The following PTK2B variants were observed in gnomAD, a reference collection of about 807,000 sequenced individuals.
PTK2B encodes protein tyrosine kinase 2 beta, also known as protein-tyrosine kinase 2-beta.
PTK2B carries 71 observed loss-of-function variants against 142.9 expected under a neutral mutation model. That is an observed-to-expected ratio of 0.50 (90% CI 0.41 to 0.61). The LOEUF (loss-of-function observed/expected upper bound fraction) is 0.61, where lower values mean the gene tolerates loss of function less well. Ranked by LOEUF, PTK2B falls within the 20% of genes least tolerant of loss-of-function variation. PTK2B has a pLI of 0.00. For synonymous variants in PTK2B, 519 were observed against 503.4 expected, an observed-to-expected ratio of 1.03 and a Z score of -0.42; for missense variants, 1,105 against 1,320.4, an observed-to-expected ratio of 0.84 and a Z score of 2.53.
chr8:27,332,428 C>T (rs1047532858), intron 1 of PTK2B, among the ~76,000 whole-genome samples: 5 of 152,130 alleles, frequency 3.3e-5, no homozygotes, highest in East Asian at 3.8e-4. Flanking sequence ...GTTTGACTCT[C>T]GACTCTGTCA....
rs564691888 is a variant in PTK2B, at chr8:27,336,480, G to A, written c.-38+10799G>A. On this transcript the variant is annotated intron_variant, in intron 1 of 30. Coordinates refer to ENST00000346049, the MANE Select transcript of PTK2B (RefSeq NM_173176.3). ...CTGACACACAGCTGGCATTGAGTAC[G>A]TACAATGTGTGCCTGATATAAGGCA... 1.3e-4 allele frequency among the ~76,000 whole-genome samples: 20 copies of A among 152,246 alleles called. No individual in the cohort carries two copies. The South Asian group carries it at 2.7e-3, about 21-fold the overall frequency.
chr8:27,314,263 A>G (rs1477617466), intron 3 of PTK2B, among the ~76,000 whole-genome samples: 3 of 152,208 alleles, frequency 2.0e-5, no homozygotes, highest in Non-Finnish European at 4.4e-5. Context: ...GAAGGCTCCC[A>G]TGTCACATAA....
intron 1 of PTK2B, among the ~76,000 whole-genome samples, chr8:27,377,290 G>A (rs1418493468): frequency 6.6e-6 from 1 of 152,206 alleles, no homozygotes; most frequent in African/African-American, 2.4e-5. Context: ...CCAACACTCA[G>A]TGTTGGGTAT....
intron 9 of PTK2B, 99 bp from the exon 10 acceptor site, chr8:27,432,161 T>A: frequency 1.0e-6 from 1 of 987,150 alleles, no homozygotes; most frequent in Non-Finnish European, 1.5e-6. Context: ...CCAGAGAAAC[T>A]CCCAGTTCCT....
intron 1 of PTK2B, among the ~76,000 whole-genome samples, chr8:27,391,308 G>C (rs772676586): frequency 9.2e-5 from 14 of 152,012 alleles, no homozygotes; most frequent in Non-Finnish European, 5.9e-5. Flanking sequence ...TGTTGATCAG[G>C]CTGATCTCAA....
intron 5 of PTK2B, among the ~76,000 whole-genome samples, chr8:27,427,484 G>A (rs1178550536): frequency 6.6e-6 from 1 of 152,276 alleles, no homozygotes; most frequent in East Asian, 1.9e-4. Flanking sequence ...TTGAATAAAT[G>A]GATAACTGAA....
intron 1 of PTK2B, among the ~76,000 whole-genome samples, chr8:27,354,497 A>T (rs1178882877): frequency 1.3e-5 from 2 of 152,154 alleles, no homozygotes; most frequent in African/African-American, 4.8e-5. Flanking sequence ...GACAGATGAA[A>T]CAATTGAGGT....
chr8:27,351,695 T>TAA, intron 1 of PTK2B, among the ~76,000 whole-genome samples: 1 of 152,376 alleles, frequency 6.6e-6, no homozygotes, highest in South Asian at 2.1e-4. Flanking sequence ...ATCTCCAGGA[T>TAA]AATTTCATCA....
intron 1 of PTK2B, among the ~76,000 whole-genome samples, chr8:27,332,600 G>A (rs1250122425): frequency 4.6e-5 from 7 of 150,818 alleles, no homozygotes; most frequent in Admixed American, 1.3e-4. Context: ...ATCTCATTTC[G>A]AGACAGAATC....
chr8:27,329,403 T>G (rs375066710), intron 1 of PTK2B, among the ~76,000 whole-genome samples: 1 of 152,118 alleles, frequency 6.6e-6, no homozygotes, highest in African/African-American at 2.4e-5. Context: ...AGTAGCTCCA[T>G]GTACCCCAAA....
chr8:27,311,155 G>T, upstream of PTK2B: 1 of 1,607,250 alleles, frequency 6.2e-7, no homozygotes. Flanking sequence ...CGTCGCGGAA[G>T]GGGTCGTAGC....
At chr8:27,450,645 G>T in intron 24 of PTK2B, 104 bp from the exon 25 acceptor site, 1 of 1,432,918 alleles carries the variant, frequency 7.0e-7, no homozygotes, top group South Asian at 1.3e-5. Context: ...AGCTGGCCAG[G>T]CCAAGGCTTG....
intron 29 of PTK2B, 26 bp from the exon 30 acceptor site, chr8:27,454,505 G>C: frequency 6.2e-7 from 1 of 1,609,226 alleles, no homozygotes; most frequent in East Asian, 2.2e-5. Flanking sequence ...AGGAGTGGCG[G>C]CCATCCTGCC....
rs1275110427 is a variant in PTK2B, at chr8:27,345,223, C to T, written c.-38+19542C>T. ...TCCCATTCCACTACTTCTTTGGCTTCCTCCTTGCTTTTATTTCTCCCTCTT... is the reference window on the plus strand; with the variant it reads ...TCCCATTCCACTACTTCTTTGGCTTTCTCCTTGCTTTTATTTCTCCCTCTT... On this transcript the variant is annotated intron_variant, in intron 1 of 30. Coordinates refer to ENST00000346049, the MANE Select transcript of PTK2B (RefSeq NM_173176.3). 5.4e-4 allele frequency among the ~76,000 whole-genome samples: 82 copies of T among 152,212 alleles called. 2 individuals carry two copies. The highest frequency in any genetic ancestry group is 1.2e-4 in the Non-Finnish European group (8 of 68,042).
intron 1 of PTK2B, among the ~76,000 whole-genome samples, chr8:27,342,571 G>A (rs1484096782): frequency 1.3e-5 from 2 of 152,056 alleles, no homozygotes; most frequent in East Asian, 1.9e-4. Context: ...CGGTGTTCTC[G>A]AAGGCAAGAC....
chr8:27,372,535 C>CCACTT (rs1217680748), intron 1 of PTK2B, among the ~76,000 whole-genome samples: 4 of 152,160 alleles, frequency 2.6e-5, no homozygotes, highest in African/African-American at 9.7e-5. Context: ...GGAGGTCGAT[C>CCACTT]CACTTTACTC....
chr8:27,338,101 T>G (rs1804185368), intron 1 of PTK2B, among the ~76,000 whole-genome samples: 1 of 152,220 alleles, frequency 6.6e-6, no homozygotes, highest in South Asian at 2.1e-4. Flanking sequence ...TTCAGTTGCG[T>G]TTCCCTGATA....
At chr8:27,399,789 C>A (rs1048845592) in intron 2 of PTK2B, among the ~76,000 whole-genome samples, 26 of 152,184 alleles carry the variant, frequency 1.7e-4, no homozygotes, top group African/African-American at 6.3e-4. Context: ...CTGCTTATTG[C>A]AAATAGCTGA....
chr8:27,425,230 G>C (rs1245205794), intron 5 of PTK2B, among the ~76,000 whole-genome samples: 2 of 150,784 alleles, frequency 1.3e-5, no homozygotes, highest in Non-Finnish European at 3.0e-5. Context: ...GTATAGTATT[G>C]CATAGTATAC....
Sources: allele counts gnomAD v4.1 joint callset (sites outside exome capture counted in the v4.1 genomes callset), GRCh38; gene constraint gnomAD v4.1.1; transcripts MANE v1.5; gene names NCBI Gene and HGNC (gene_info 2026-07-23, HGNC 2026-07-21).